Variants in TAFA4 observed in about 807,000 individuals in gnomAD.
The protein encoded by TAFA4 is chemokine-like protein TAFA-4.
In TAFA4, 20 loss-of-function variants were observed where a neutral mutation model predicts 21.1. The ratio of observed to expected loss-of-function variants is 0.95; its 90% CI spans 0.67 to 1.38. The LOEUF (loss-of-function observed/expected upper bound fraction) is 1.38. Ranked by LOEUF, TAFA4 falls within the 40% of genes most tolerant of loss-of-function variation. The probability of loss-of-function intolerance (pLI) is 0.00; values close to 1 mark genes in which losing one functional copy is unlikely to be tolerated. For missense variants in TAFA4, 211 were observed against 180.9 expected (o/e 1.17, Z -0.95); for synonymous variants, 71 against 67.4 (o/e 1.05, Z -0.26).
intron 3 of TAFA4, among the ~76,000 whole-genome samples, chr3:68,763,948 A>G (rs1258338692): frequency 2.0e-5 from 3 of 152,008 alleles, no homozygotes; most frequent in African/African-American, 7.2e-5. Context: ...GTTGATTTAA[A>G]TAAATAACAT....
intron 1 of TAFA4, among the ~76,000 whole-genome samples, chr3:68,899,643 T>A (rs933655682): frequency 2.3e-4 from 35 of 152,120 alleles, no homozygotes; most frequent in Admixed American, 2.2e-3. Flanking sequence ...TGTTCAGGCA[T>A]CAGGGAAACA....
Position 68,918,155 on chromosome 3 carries a change from A to AC in TAFA4, c.-123+14084_-123+14085insG, listed in dbSNP as rs67153251. Among the ~76,000 whole-genome samples the AC allele has an allele frequency of 1.9e-3, 288 of 151,564 alleles. 7 individuals are homozygous for AC. The East Asian group carries it at 0.046, about 24-fold the overall frequency. On this transcript the variant is annotated intron_variant, in intron 1 of 5. Coordinates refer to ENST00000295569, the MANE Select transcript of TAFA4 (RefSeq NM_182522.5). ...CATACACACACACACACACACACAC[A>AC]AACACATTTCACATTCCAGGGAAAG...
chr3:68,893,330 G>A (rs980466884), intron 1 of TAFA4, among the ~76,000 whole-genome samples: 1 of 152,122 alleles, frequency 6.6e-6, no homozygotes, highest in African/African-American at 2.4e-5. Context: ...ATTACTATGG[G>A]CAAGTGGGAG....
At chr3:68,806,269 A>G (rs1037020217) in intron 3 of TAFA4, among the ~76,000 whole-genome samples, 4 of 152,194 alleles carry the variant, frequency 2.6e-5, no homozygotes, top group African/African-American at 7.2e-5. Flanking sequence ...CCTCAAATTT[A>G]CTAGTAGATA....
intron 3 of TAFA4, among the ~76,000 whole-genome samples, chr3:68,796,346 A>C (rs1055746546): frequency 6.6e-6 from 1 of 152,214 alleles, no homozygotes; most frequent in Non-Finnish European, 1.5e-5. Context: ...AATATAGACA[A>C]TATCTCTCCA....
At chr3:68,844,332 T>C in intron 3 of TAFA4, among the ~76,000 whole-genome samples, 1 of 152,210 alleles carries the variant, frequency 6.6e-6, no homozygotes, top group East Asian at 1.9e-4. Context: ...TCTCTGATGG[T>C]AGTTTATATT....
At chr3:68,837,530 T>C (rs1704552184) in intron 3 of TAFA4, among the ~76,000 whole-genome samples, 1 of 152,150 alleles carries the variant, frequency 6.6e-6, no homozygotes, top group Non-Finnish European at 1.5e-5. Flanking sequence ...CATATGGGGC[T>C]TTCTAAAAAT....
At chr3:68,867,898 CAT>C (rs1454953889) in intron 3 of TAFA4, among the ~76,000 whole-genome samples, 1 of 151,950 alleles carries the variant, frequency 6.6e-6, no homozygotes, top group Non-Finnish European at 1.5e-5. Flanking sequence ...AAAAAAATCA[CAT>C]AGCCACAGAG....
intron 1 of TAFA4, among the ~76,000 whole-genome samples, chr3:68,892,547 A>T (rs1396753988): frequency 1.3e-5 from 2 of 152,212 alleles, no homozygotes; most frequent in African/African-American, 4.8e-5. Context: ...TATACATGTA[A>T]CAAAACTGTA....
chr3:68,819,772 A>G (rs1420983702), intron 3 of TAFA4, among the ~76,000 whole-genome samples: 9 of 152,232 alleles, frequency 5.9e-5, no homozygotes, highest in Admixed American at 6.5e-5. Flanking sequence ...GCTATTATCA[A>G]AAAGACAAAG....
At chr3:68,835,774 C>A (rs1704510851) in intron 3 of TAFA4, among the ~76,000 whole-genome samples, 1 of 152,206 alleles carries the variant, frequency 6.6e-6, no homozygotes, top group South Asian at 2.1e-4. Flanking sequence ...TCAAATGAGT[C>A]TTTGTGTAGC....
At chr3:68,820,739 G>C (rs557844944) in intron 3 of TAFA4, among the ~76,000 whole-genome samples, 15 of 152,136 alleles carry the variant, frequency 9.9e-5, no homozygotes, top group Admixed American at 3.9e-4. Context: ...AAATATGTGA[G>C]GGAATACCTA....
intron 3 of TAFA4, among the ~76,000 whole-genome samples, chr3:68,826,797 C>G (rs561962266): frequency 1.6e-4 from 25 of 152,080 alleles, no homozygotes; most frequent in Admixed American, 7.9e-4. Context: ...CTTTAATACC[C>G]TTCTACTCCA....
intron 3 of TAFA4, among the ~76,000 whole-genome samples, chr3:68,868,668 G>C (rs550532064): frequency 1.3e-5 from 2 of 151,980 alleles, no homozygotes; most frequent in South Asian, 4.1e-4. Context: ...AATGAAGCAA[G>C]AAGGAAATTT....
intron 3 of TAFA4, among the ~76,000 whole-genome samples, chr3:68,863,823 A>C (rs927463277): frequency 1.1e-4 from 17 of 152,172 alleles, no homozygotes; most frequent in Admixed American, 7.2e-4. Flanking sequence ...AAAATGCCTA[A>C]GGCATTTTAA....
intron 1 of TAFA4, among the ~76,000 whole-genome samples, chr3:68,928,885 C>G (rs893237763): frequency 6.6e-6 from 1 of 151,978 alleles, no homozygotes; most frequent in East Asian, 1.9e-4. Flanking sequence ...AGGACAACAC[C>G]TCCTACCCCT....
chr3:68,762,177 C>A (rs1432096537), intron 3 of TAFA4, among the ~76,000 whole-genome samples: 1 of 146,828 alleles, frequency 6.8e-6, no homozygotes, highest in Non-Finnish European at 1.5e-5. Flanking sequence ...ATGTTAAGAG[C>A]TGGGAAAGCC....
chr3:68,916,069 C>A (rs1462900773), intron 1 of TAFA4: 1 of 152,204 alleles, frequency 6.6e-6, no homozygotes, highest in South Asian at 2.1e-4. Context: ...AAATACCTTA[C>A]AATTGTGAGA....
chr3:68,836,463 G>A (rs1286914351), intron 3 of TAFA4, among the ~76,000 whole-genome samples: 1 of 152,168 alleles, frequency 6.6e-6, no homozygotes, highest in African/African-American at 2.4e-5. Flanking sequence ...CTGGCTTCTA[G>A]AACTTCCTCT....
Sources: gnomAD v4.1 joint callset for allele counts (sites outside exome capture counted in the v4.1 genomes callset) on GRCh38, gnomAD v4.1.1 for gene constraint, MANE v1.5 for transcripts, NCBI Gene and HGNC (gene_info 2026-07-23, HGNC 2026-07-21) for gene names.